Variants in MCFD2 observed in about 807,000 individuals in gnomAD.
MCFD2 encodes the protein multiple coagulation factor deficiency 2, ER cargo receptor complex subunit.
Under a neutral mutation model 12.8 loss-of-function variants are expected in MCFD2, and 11 were observed. That is an observed-to-expected ratio of 0.86 (90% CI 0.54 to 1.42). MCFD2 has a LOEUF of 1.42. Ranked by LOEUF, MCFD2 falls within the 40% of genes most tolerant of loss-of-function variation. The pLI is 0.00. For synonymous variants in MCFD2, 70 were observed against 68.1 expected (o/e 1.03, Z -0.14); for missense variants, 191 against 178.6 (o/e 1.07, Z -0.40).
intron 1 of MCFD2, among the ~76,000 whole-genome samples, chr2:46,930,864 A>G (rs1179341059): frequency 6.6e-6 from 1 of 152,218 alleles, no homozygotes; most frequent in East Asian, 1.9e-4. Context: ...AAATAGCTGA[A>G]TGGAAAAATA....
intron 1 of MCFD2, among the ~76,000 whole-genome samples, chr2:46,910,496 G>C (rs1668439826): frequency 6.6e-6 from 1 of 152,166 alleles, no homozygotes; most frequent in Non-Finnish European, 1.5e-5. Flanking sequence ...TAAGGCACTG[G>C]TCATCCCCTT....
Position 46,908,618 on chromosome 2 carries a change from A to G in MCFD2, c.149+405T>C. On this transcript the variant is annotated intron_variant, in intron 2 of 3. Transcript: ENST00000319466. The surrounding 1 kb of genome is among the most constrained non-coding windows in gnomAD (Gnocchi z 4.5). ...CGTGAGGCTAACTGGCCCAAGACAA[A>G]AGCTGCAACAAATGATTCAATGTTT... 2 of 313,876 alleles carry G rather than the reference A, an allele frequency of 6.4e-6. No individual in the cohort carries two copies. 19.4% of individuals were successfully genotyped at this position (313,876 alleles called of 1,614,324 possible).
chr2:46,909,239 C>G, intron 1 of MCFD2, 62 bp from the exon 2 acceptor site: 4 of 1,548,750 alleles, frequency 2.6e-6, no homozygotes, highest in Non-Finnish European at 3.5e-6. Flanking sequence ...TCGTTCAGGG[C>G]TTGACATGGT....
In MCFD2 at chr2:46,941,712, C is replaced by T. The variant is rs1177060469; in HGVS notation, c.-148G>A. 9 of 1,550,340 alleles carry T rather than the reference C, an allele frequency of 5.8e-6. No homozygotes were observed. In the East Asian group the frequency reaches 9.7e-5, roughly 17 times the overall value. The stretch of plus-strand genomic sequence containing the variant: ...GAGGCAGCCCGAGCGCAGCGTTCAC[C>T]TTTCCGGACACCGGTGAGTAAGGGA... On this transcript the variant is annotated 5_prime_UTR_variant, in exon 1 of 3. Transcript: ENST00000409147. This position sits in a 1 kb window ranked among gnomAD's most constrained non-coding sequence, Gnocchi z 4.2.
At chr2:46,917,611 C>T (rs1476412595), upstream of MCFD2, among the ~76,000 whole-genome samples, 1 of 152,094 alleles carries the variant, frequency 6.6e-6, no homozygotes, top group Non-Finnish European at 1.5e-5. Context: ...TCATTTTTTT[C>T]CTATGGATGT....
At chr2:46,939,592 G>T (rs1335068878) in intron 1 of MCFD2, among the ~76,000 whole-genome samples, 1 of 152,174 alleles carries the variant, frequency 6.6e-6, no homozygotes, top group Non-Finnish European at 1.5e-5. Context: ...GGCAGGGCTG[G>T]CAAAGGACTA....
chr2:46,906,240 C>T lies in MCFD2; in HGVS notation c.310-646G>A, dbSNP rs147736356. ...CAGGACTGCTGACCCCTAATTCCTC[C>T]GCCTAACACTAGTCTCTCCTCATGT... On this transcript the variant is annotated intron_variant, in intron 3 of 3. Coordinates refer to ENST00000319466, the MANE Select transcript of MCFD2 (RefSeq NM_139279.6). Among the ~76,000 whole-genome samples, 24 of 152,248 alleles carry T rather than the reference C, an allele frequency of 1.6e-4. 1 individual carries two copies. Among genetic ancestry groups the T allele is most frequent in the South Asian group, 8.3e-4 (4 of 4,820 alleles).
At chr2:46,931,254 A>C (rs912221957) in intron 1 of MCFD2, among the ~76,000 whole-genome samples, 1 of 152,200 alleles carries the variant, frequency 6.6e-6, no homozygotes, top group Non-Finnish European at 1.5e-5. Flanking sequence ...AATTAAAAAA[A>C]ATTTTCTTTT....
chr2:46,918,020 C>T (rs918534056), upstream of MCFD2, among the ~76,000 whole-genome samples: 4 of 152,152 alleles, frequency 2.6e-5, no homozygotes, highest in African/African-American at 9.7e-5. Flanking sequence ...CTTTAGATAC[C>T]ATTTATAAAT....
intron 1 of MCFD2, among the ~76,000 whole-genome samples, chr2:46,923,009 C>T (rs533761879): frequency 2.0e-5 from 3 of 152,146 alleles, no homozygotes; most frequent in Non-Finnish European, 4.4e-5. Context: ...TTAAAGTATA[C>T]GAATAAACAG....
Position 46,941,720 on chromosome 2 carries a change from A to G in MCFD2, c.-156T>C. On this transcript the variant is annotated 5_prime_UTR_variant, in exon 1 of 3. Transcript: ENST00000409147. This position sits in a 1 kb window ranked among gnomAD's most constrained non-coding sequence, Gnocchi z 4.2. ...CCGAGCGCAGCGTTCACCTTTCCGG[A>G]CACCGGTGAGTAAGGGAAGAGGCTG... 1 of 1,549,988 alleles carries G rather than the reference A, an allele frequency of 6.5e-7. No individual in the cohort carries two copies. Among genetic ancestry groups the G allele is most frequent in the South Asian group, 1.2e-5 (1 of 84,036 alleles).
At chr2:46,922,653 GA>G (rs1362602023) in intron 1 of MCFD2, among the ~76,000 whole-genome samples, 8 of 151,998 alleles carry the variant, frequency 5.3e-5, no homozygotes, top group African/African-American at 1.9e-4. Context: ...GAAGGTGTGA[GA>G]GGTAGAAACC....
chr2:46,940,797 C>T lies in MCFD2; in HGVS notation c.-8+775G>A, dbSNP rs1010156475. 3.9e-5 allele frequency among the ~76,000 whole-genome samples: 6 copies of T among 152,184 alleles called. No homozygotes were observed. The highest frequency in any genetic ancestry group is 1.2e-4 in the African/African-American group (5 of 41,458). Reference sequence around the variant, plus strand: ...TGGCCCGCATCGCAACAGGGCGGGGCGGACAGCGGCAGGCCAGCTCCCGGG... The same window carrying T: ...TGGCCCGCATCGCAACAGGGCGGGGTGGACAGCGGCAGGCCAGCTCCCGGG... On this transcript the variant is annotated intron_variant, in intron 1 of 2. Transcript: ENST00000409147. This position sits in a 1 kb window ranked among gnomAD's most constrained non-coding sequence, Gnocchi z 4.7.
At chr2:46,927,522 A>C (rs1428941062) in intron 1 of MCFD2, among the ~76,000 whole-genome samples, 1 of 151,798 alleles carries the variant, frequency 6.6e-6, no homozygotes, top group Non-Finnish European at 1.5e-5. Flanking sequence ...ACGCCCGGCT[A>C]ATTTTGTTTT....
At chr2:46,916,079 C>A (rs753237818), upstream of MCFD2, 145 of 985,420 alleles carry the variant, frequency 1.5e-4, no homozygotes, top group Non-Finnish European at 1.7e-4. Context: ...CCCTCAGGAA[C>A]GTAGTTCCAC....
chr2:46,936,609 G>T (rs1386311886), intron 1 of MCFD2, among the ~76,000 whole-genome samples: 2 of 152,060 alleles, frequency 1.3e-5, no homozygotes, highest in South Asian at 2.1e-4. Flanking sequence ...ACCTGTCTAT[G>T]GCTTCCTCGG....
At chr2:46,939,281 G>A (rs1438291552) in intron 1 of MCFD2, among the ~76,000 whole-genome samples, 1 of 151,634 alleles carries the variant, frequency 6.6e-6, no homozygotes, top group East Asian at 2.0e-4. Flanking sequence ...TTGGCCAGGC[G>A]CAGTGGCTCA....
intron 1 of MCFD2, among the ~76,000 whole-genome samples, chr2:46,939,417 G>C (rs912846812): frequency 6.6e-6 from 1 of 152,156 alleles, no homozygotes; most frequent in African/African-American, 2.4e-5. Flanking sequence ...GCTGTGAAGG[G>C]GTCCGGCGTA....
rs2103724571 is a variant in MCFD2, at chr2:46,903,088, G to A, written c.*2375C>T. On this transcript the variant is annotated 3_prime_UTR_variant, in exon 4 of 4. Coordinates refer to ENST00000319466, the MANE Select transcript of MCFD2 (RefSeq NM_139279.6). ...CCACGTGTTGTGGGACAGACCCAGGGGGAGGTAATTGAATCATGGGGGCCA... is the reference window on the plus strand; with the variant it reads ...CCACGTGTTGTGGGACAGACCCAGGAGGAGGTAATTGAATCATGGGGGCCA... 6.6e-6 allele frequency: 1 copy of A among 152,282 alleles called. No homozygotes were observed. Among genetic ancestry groups the A allele is most frequent in the South Asian group, 2.1e-4 (1 of 4,826 alleles). 9.4% of individuals were successfully genotyped at this position (152,282 alleles called of 1,614,324 possible).
Sources: allele counts gnomAD v4.1 joint callset (sites outside exome capture counted in the v4.1 genomes callset), GRCh38; gene constraint gnomAD v4.1.1; non-coding constraint Gnocchi (gnomAD v3.1); transcripts MANE v1.5; gene names NCBI Gene and HGNC (gene_info 2026-07-23, HGNC 2026-07-21).